ZNF131: variants seen among roughly 807,000 people sequenced by gnomAD.
ZNF131 encodes the protein zinc finger protein 131.
Under a neutral mutation model 60.0 loss-of-function variants are expected in ZNF131, and 7 were observed. The observed-to-expected ratio is 0.12, with a 90% confidence interval of 0.07 to 0.22. The LOEUF is 0.22. Ranked by LOEUF, ZNF131 falls within the 10% of genes least tolerant of loss-of-function variation. The pLI is 1.00. For synonymous variants in ZNF131, 257 were observed against 253.2 expected (o/e 1.01, Z -0.14); for missense variants, 493 against 740.9 (o/e 0.67, Z 3.88).
At chr5:43,170,066 T>A (rs1198950986) in intron 5 of ZNF131, among the ~76,000 whole-genome samples, 3 of 152,180 alleles carry the variant, frequency 2.0e-5, no homozygotes, top group African/African-American at 7.2e-5. Context: ...TATGCACATT[T>A]TATATCTTGA....
At chr5:43,148,365 C>A (rs554110457) in intron 4 of ZNF131, among the ~76,000 whole-genome samples, 2 of 152,108 alleles carry the variant, frequency 1.3e-5, no homozygotes, top group African/African-American at 2.4e-5. Flanking sequence ...TGCAACAGAA[C>A]GAGACCCTGT....
At position 43,134,864 on chromosome 5, in the gene ZNF131, TTC is replaced by T. The variant is rs1310839962; in HGVS notation, c.227-4299_227-4298del. On this transcript the variant is annotated intron_variant, in intron 3 of 6. Coordinates refer to ENST00000682664, the MANE Select transcript of ZNF131 (RefSeq NM_001330707.2). ...GGCTCCCCCTATCACACCCAGCTAA[TTC>T]TTTGTATTTTTAGTAGAGATGAGGT... 1.4e-4 allele frequency among the ~76,000 whole-genome samples: 21 copies of T among 149,562 alleles called. No homozygotes were observed. In the Admixed American group the frequency reaches 1.4e-3, roughly 10 times the overall value.
chr5:43,129,892 G>A (rs946957225), intron 3 of ZNF131, among the ~76,000 whole-genome samples: 3 of 151,848 alleles, frequency 2.0e-5, no homozygotes, highest in South Asian at 2.1e-4. Flanking sequence ...TCCTGACCTC[G>A]TGATCTGCCT....
chr5:43,175,742 C>T lies in ZNF131; in HGVS notation c.*609C>T. On this transcript the variant is annotated 3_prime_UTR_variant, in exon 7 of 7. Transcript: ENST00000682664. ...GTTAAAAAAAAAAAAAAATCCACAC[C>T]CATGTGCCTTCTCAAAACCAACTGA... 1 of 302,886 alleles carries T rather than the reference C, an allele frequency of 3.3e-6. No individual in the cohort carries two copies. Among genetic ancestry groups the T allele is most frequent in the Non-Finnish European group, 6.1e-6 (1 of 164,326 alleles). 18.8% of individuals were successfully genotyped at this position (302,886 alleles called of 1,614,324 possible).
At chr5:43,163,130 G>T (rs996023848) in intron 5 of ZNF131, among the ~76,000 whole-genome samples, 2 of 151,126 alleles carry the variant, frequency 1.3e-5, no homozygotes, top group African/African-American at 4.9e-5. Context: ...GCACCACCAC[G>T]CCCCTGGCTA....
intron 4 of ZNF131, among the ~76,000 whole-genome samples, chr5:43,141,586 T>C (rs536002269): frequency 7.9e-5 from 12 of 151,934 alleles, no homozygotes; most frequent in African/African-American, 2.7e-4. Flanking sequence ...CTGGGCACCA[T>C]GGTGAAACGC....
In ZNF131 at chr5:43,175,577, G is replaced by A. The variant is rs1751490065; in HGVS notation, c.*444G>A. The A allele has an allele frequency of 1.6e-6, 1 of 635,976 alleles. No individual in the cohort carries two copies. The highest frequency in any genetic ancestry group is 1.8e-5 in the South Asian group (1 of 57,134). The allele number at this position is 635,976 out of a possible 1,614,324, so 39.4% of individuals were successfully genotyped here. On this transcript the variant is annotated 3_prime_UTR_variant, in exon 7 of 7. Coordinates refer to ENST00000682664, the MANE Select transcript of ZNF131 (RefSeq NM_001330707.2). ...TAATATAGGAAACACAAGGCTGCAT[G>A]ATGAAAAGTGCATTGTTACTGTGCA...
intron 5 of ZNF131, among the ~76,000 whole-genome samples, chr5:43,162,349 T>A (rs1321153542): frequency 6.6e-6 from 1 of 151,848 alleles, no homozygotes; most frequent in Admixed American, 6.6e-5. Context: ...CCCAGCACTT[T>A]GGGAGGCCGA....
chr5:43,158,800 T>G (rs1749279978), intron 4 of ZNF131, among the ~76,000 whole-genome samples: 1 of 152,014 alleles, frequency 6.6e-6, no homozygotes, highest in African/African-American at 2.4e-5. Flanking sequence ...TTCCCTCAAA[T>G]CCGATCAGTT....
chr5:43,128,747 C>G (rs748297772), intron 3 of ZNF131, among the ~76,000 whole-genome samples: 14 of 150,460 alleles, frequency 9.3e-5, no homozygotes, highest in Non-Finnish European at 2.1e-4. Context: ...TTCCAAAGAT[C>G]AGGTACCAGT....
In ZNF131 at chr5:43,128,283, G is replaced by A. The variant is rs150582934; in HGVS notation, c.226+4973G>A. On this transcript the variant is annotated intron_variant, in intron 3 of 6. Transcript: ENST00000682664. Reference sequence around the variant, plus strand: ...ACCATCACTTCATTTAGCTGGGCAAGTATTATCAGTTTGGTTCATGTTAGC... The same window carrying A: ...ACCATCACTTCATTTAGCTGGGCAAATATTATCAGTTTGGTTCATGTTAGC... Among the ~76,000 whole-genome samples the A allele has an allele frequency of 2.1e-3, 316 of 152,306 alleles. 2 individuals are homozygous for A. Among genetic ancestry groups the A allele is most frequent in the African/African-American group, 7.2e-3 (298 of 41,562 alleles).
At chr5:43,149,126 C>G (rs1322634044) in intron 4 of ZNF131, among the ~76,000 whole-genome samples, 1 of 152,180 alleles carries the variant, frequency 6.6e-6, no homozygotes, top group African/African-American at 2.4e-5. Context: ...CAAAAATTAG[C>G]TGGGCATAAT....
At chr5:43,135,921 G>A (rs1002766831) in intron 3 of ZNF131, among the ~76,000 whole-genome samples, 5 of 152,074 alleles carry the variant, frequency 3.3e-5, no homozygotes, top group South Asian at 2.1e-4. Context: ...TTCAAGACCA[G>A]CTGGCCAACG....
At chr5:43,166,408 T>C (rs1342346884) in intron 5 of ZNF131, among the ~76,000 whole-genome samples, 1 of 151,904 alleles carries the variant, frequency 6.6e-6, no homozygotes. Context: ...TCGCCCAGGC[T>C]GGAGTGCAGT....
At chr5:43,123,427 C>T in intron 3 of ZNF131, 117 bp downstream of exon 3, 1 of 815,452 alleles carries the variant, frequency 1.2e-6, no homozygotes, top group Non-Finnish European at 1.9e-6. Context: ...GACAGTTTAT[C>T]AAGACACCAT....
intron 5 of ZNF131, among the ~76,000 whole-genome samples, chr5:43,166,395 C>T (rs1031213190): frequency 6.6e-6 from 1 of 151,342 alleles, no homozygotes; most frequent in African/African-American, 2.4e-5. Flanking sequence ...GAGTCTTGCT[C>T]TGTCGCCCAG....
chr5:43,146,687 C>T (rs1409826993), intron 4 of ZNF131, among the ~76,000 whole-genome samples: 2 of 151,704 alleles, frequency 1.3e-5, no homozygotes, highest in African/African-American at 4.8e-5. Flanking sequence ...CAGGCAATCA[C>T]CTGAGGTCAG....
In ZNF131 at chr5:43,131,180, G is replaced by A. The variant is rs541329742; in HGVS notation, c.226+7870G>A. ...GCGCCCGGCCTCCAAGCTTACCACT[G>A]TTTTTTATTTTGAGATGGAGTTTTG... On this transcript the variant is annotated intron_variant, in intron 3 of 6. Transcript: ENST00000682664. Among the ~76,000 whole-genome samples, 3 of 151,420 alleles carry A rather than the reference G, an allele frequency of 2.0e-5. No homozygotes were observed. The South Asian group carries it at 6.3e-4, about 32-fold the overall frequency.
chr5:43,130,474 A>G (rs67596313), intron 3 of ZNF131, among the ~76,000 whole-genome samples: 14,774 of 152,060 alleles, frequency 0.097, 854 homozygotes, highest in East Asian at 0.19. Flanking sequence ...TTCAAAATTA[A>G]TTTTCCTGAG....
Sources: allele counts gnomAD v4.1 joint callset (sites outside exome capture counted in the v4.1 genomes callset), GRCh38; gene constraint gnomAD v4.1.1; transcripts MANE v1.5; gene names NCBI Gene and HGNC (gene_info 2026-07-23, HGNC 2026-07-21).